The following SUPT3H variants were observed in gnomAD, a reference collection of about 807,000 sequenced individuals.
SUPT3H encodes the protein transcription initiation protein SPT3 homolog.
In SUPT3H, 44 loss-of-function variants were observed where a neutral mutation model predicts 44.3. The ratio of observed to expected loss-of-function variants is 0.99; its 90% CI spans 0.78 to 1.28. The LOEUF (loss-of-function observed/expected upper bound fraction) is 1.28, where lower values mean the gene tolerates loss of function less well. Among genes scored for constraint, SUPT3H ranks in the 50% most tolerant of loss-of-function variants. The probability of loss-of-function intolerance (pLI) is 0.00; values close to 1 mark genes in which losing one functional copy is unlikely to be tolerated. For missense variants in SUPT3H, 380 were observed against 387.1 expected, an observed-to-expected ratio of 0.98 and a Z score of 0.15; for synonymous variants, 124 against 125.6, an observed-to-expected ratio of 0.99 and a Z score of 0.09.
chr6:44,858,154 A>T (rs953624136), intron 10 of SUPT3H, among the ~76,000 whole-genome samples: 3 of 152,156 alleles, frequency 2.0e-5, no homozygotes, highest in African/African-American at 7.2e-5. Context: ...ACTACACTAC[A>T]CTACATTATA....
At chr6:44,837,834 T>C (rs547027840) in intron 10 of SUPT3H, among the ~76,000 whole-genome samples, 1 of 152,310 alleles carries the variant, frequency 6.6e-6, no homozygotes, top group South Asian at 2.1e-4. Flanking sequence ...ATAATATAAT[T>C]TTTTTTACAA....
At chr6:45,068,150 C>T (rs1010277010) in intron 3 of SUPT3H, among the ~76,000 whole-genome samples, 7 of 149,858 alleles carry the variant, frequency 4.7e-5, no homozygotes, top group African/African-American at 1.2e-4. Context: ...ATGATGAGTT[C>T]GTGTCCTTTG....
intron 6 of SUPT3H, among the ~76,000 whole-genome samples, chr6:44,974,240 T>A (rs746257500): frequency 2.0e-5 from 3 of 152,062 alleles, no homozygotes; most frequent in Non-Finnish European, 4.4e-5. Context: ...TATTCATATA[T>A]ACATGTTTGT....
At chr6:45,327,011 C>T (rs751077274) in intron 2 of SUPT3H, among the ~76,000 whole-genome samples, 5 of 151,842 alleles carry the variant, frequency 3.3e-5, no homozygotes, top group African/African-American at 9.7e-5. Flanking sequence ...AAAAATACTC[C>T]ATCGCTCCCA....
chr6:45,282,803 A>C (rs1488645311), intron 2 of SUPT3H, among the ~76,000 whole-genome samples: 1 of 152,218 alleles, frequency 6.6e-6, no homozygotes, highest in Non-Finnish European at 1.5e-5. Flanking sequence ...CAAAGTTGAA[A>C]TAAAGGAAAT....
Position 45,315,922 on chromosome 6 carries a change from CAGATAGATAGATAGATAGAT to C in SUPT3H, c.101+49259_101+49278del, listed in dbSNP as rs59633405. ...GAGTGGATAAAGAAGCTCAGATAGA[CAGATAGATAGATAGATAGAT>C]AGATAGATAGATAGATAGATAGATA... On this transcript the variant is annotated intron_variant, in intron 2 of 10. Coordinates refer to ENST00000371459, the MANE Select transcript of SUPT3H (RefSeq NM_003599.4). Among the ~76,000 whole-genome samples, 69 of 145,586 alleles carry C rather than the reference CAGATAGATAGATAGATAGAT, an allele frequency of 4.7e-4. No homozygotes were observed. The South Asian group carries it at 4.9e-3, about 10-fold the overall frequency.
chr6:45,181,430 G>A (rs144441806), intron 2 of SUPT3H, among the ~76,000 whole-genome samples: 5,490 of 151,944 alleles, frequency 0.036, 143 homozygotes, highest in Middle Eastern at 0.061. Flanking sequence ...TGTTTATTGC[G>A]GCATTATTCA....
intron 4 of SUPT3H, among the ~76,000 whole-genome samples, chr6:45,016,088 T>C (rs886407083): frequency 6.6e-6 from 1 of 152,106 alleles, no homozygotes; most frequent in Non-Finnish European, 1.5e-5. Flanking sequence ...AAGTATTATG[T>C]ACTATACATA....
At chr6:45,356,995 AG>A (rs1156934504) in intron 2 of SUPT3H, among the ~76,000 whole-genome samples, 1 of 152,114 alleles carries the variant, frequency 6.6e-6, no homozygotes, top group Non-Finnish European at 1.5e-5. Context: ...ATATATTTTT[AG>A]TAATGAAGAA....
At chr6:45,177,438 T>C (rs1317225884) in intron 2 of SUPT3H, among the ~76,000 whole-genome samples, 1 of 152,052 alleles carries the variant, frequency 6.6e-6, no homozygotes, top group African/African-American at 2.4e-5. Flanking sequence ...CAAATCTACG[T>C]CTGATTGGTG....
At chr6:45,178,389 A>G (rs1346550437) in intron 2 of SUPT3H, among the ~76,000 whole-genome samples, 1 of 152,146 alleles carries the variant, frequency 6.6e-6, no homozygotes, top group African/African-American at 2.4e-5. Context: ...TATGCATCCA[A>G]TACAGGACCA....
chr6:45,175,012 T>TAAAAAAAAAAAAAA (rs57838175), intron 2 of SUPT3H, among the ~76,000 whole-genome samples: 2 of 62,530 alleles, frequency 3.2e-5, no homozygotes, highest in African/African-American at 6.3e-5. Context: ...CCCTCGTCAC[T>TAAAAAAAAAAAAAA]AAAAAAAAAA....
intron 10 of SUPT3H, among the ~76,000 whole-genome samples, chr6:44,866,629 C>A (rs746857706): frequency 3.3e-5 from 5 of 152,090 alleles, no homozygotes; most frequent in Non-Finnish European, 7.4e-5. Flanking sequence ...TAGGTTTGGT[C>A]TTTTTCTGCA....
intron 3 of SUPT3H, among the ~76,000 whole-genome samples, chr6:45,025,708 A>C (rs2396376): frequency 0.97 from 146,772 of 152,092 alleles, 70,851 homozygotes; most frequent in East Asian, 1. Flanking sequence ...ATGGTGAAAC[A>C]CAGTCTCTAC....
At chr6:45,082,551 AG>A (rs1211171851) in intron 3 of SUPT3H, among the ~76,000 whole-genome samples, 1 of 152,222 alleles carries the variant, frequency 6.6e-6, no homozygotes, top group African/African-American at 2.4e-5. Context: ...AAACCATATG[AG>A]TATCTCAACA....
At chr6:45,214,029 A>T (rs1031575152) in intron 2 of SUPT3H, among the ~76,000 whole-genome samples, 24 of 150,524 alleles carry the variant, frequency 1.6e-4, no homozygotes, top group Admixed American at 1.5e-3. Flanking sequence ...AAAAAAAAAA[A>T]AAAAAACAAG....
chr6:45,134,588 G>A (rs1369144259), intron 2 of SUPT3H, among the ~76,000 whole-genome samples: 1 of 152,130 alleles, frequency 6.6e-6, no homozygotes, highest in Non-Finnish European at 1.5e-5. Context: ...CCAGCTGTGA[G>A]CCTATGAAAA....
chr6:45,126,505 T>TA (rs1281270297), intron 2 of SUPT3H, among the ~76,000 whole-genome samples: 2 of 152,238 alleles, frequency 1.3e-5, no homozygotes, highest in Non-Finnish European at 2.9e-5. Context: ...AATTTTTTTT[T>TA]AACTTAGGCA....
At chr6:44,969,236 G>T (rs116833117) in intron 6 of SUPT3H, among the ~76,000 whole-genome samples, 2,756 of 152,248 alleles carry the variant, frequency 0.018, 80 homozygotes, top group African/African-American at 0.062. Flanking sequence ...TTGCATACTA[G>T]AATGCATGTA....
Sources: allele counts gnomAD v4.1 joint callset (sites outside exome capture counted in the v4.1 genomes callset), GRCh38; gene constraint gnomAD v4.1.1; transcripts MANE v1.5; gene names NCBI Gene and HGNC (gene_info 2026-07-23, HGNC 2026-07-21).